Variants in CCNK observed in about 807,000 individuals in gnomAD.
CCNK encodes cyclin K, also known as cyclin-K.
In CCNK, 9 loss-of-function variants were observed where a neutral mutation model predicts 65.0. That is an observed-to-expected ratio of 0.14 (90% confidence interval 0.08 to 0.24). CCNK has a LOEUF of 0.24. Among genes scored for constraint, CCNK ranks in the 10% least tolerant of loss-of-function variants. CCNK has a pLI of 1.00. For synonymous variants in CCNK, 279 were observed against 270.8 expected (o/e 1.03, Z -0.30); for missense variants, 474 against 720.0 (o/e 0.66, Z 3.91).
rs753436866 is a variant in CCNK at position 99,492,603 on chromosome 14, CTTTG to C, written c.-52-19_-52-16del. ...TATAGTATGGAGTATTCCTTTCCAA[CTTTG>C]TTTTTCTCTTTCTCATAGGATTCTA... is the stretch of plus-strand genomic sequence containing the variant. On this transcript the variant is annotated intron_variant, in intron 1 of 10. Coordinates refer to ENST00000389879, the MANE Select transcript of CCNK (RefSeq NM_001099402.2). 4 of 1,290,272 alleles carry C rather than the reference CTTTG, an allele frequency of 3.1e-6. No individual in the cohort carries two copies. The African/African-American group carries it at 4.5e-5, about 15-fold the overall frequency. The allele number at this position is 1,290,272 out of a possible 1,614,324, so 79.9% of individuals were successfully genotyped here.
chr14:99,487,572 T>C (rs1896516862), intron 1 of CCNK, among the ~76,000 whole-genome samples: 1 of 152,198 alleles, frequency 6.6e-6, no homozygotes, highest in Non-Finnish European at 1.5e-5. Context: ...CCCATGAACT[T>C]AATATTGAGC....
chr14:99,491,651 G>C (rs183378390), intron 1 of CCNK, among the ~76,000 whole-genome samples: 1 of 152,324 alleles, frequency 6.6e-6, no homozygotes, highest in East Asian at 1.9e-4. Flanking sequence ...GCAAGGAGGA[G>C]AATATTCAGC....
At chr14:99,503,206 G>GCCCTGCTGCCTGTTTCAT in intron 8 of CCNK, 1 of 691,930 alleles carries the variant, frequency 1.4e-6, no homozygotes, top group Non-Finnish European at 2.6e-6. Context: ...CCCGGCTCCA[G>GCCCTGCTGCCTGTTTCAT]CCCTGCTGCC....
chr14:99,483,207 TG>T (rs1213095505), intron 1 of CCNK, among the ~76,000 whole-genome samples: 1 of 152,020 alleles, frequency 6.6e-6, no homozygotes, highest in Non-Finnish European at 1.5e-5. Flanking sequence ...TATGAGTACT[TG>T]GGAAAGGAGA....
rs2139887161 is a variant in CCNK at position 99,510,296 on chromosome 14, G to T, written c.1257G>T (p.Arg419=). 7.2e-7 allele frequency: 1 copy of T among 1,397,858 alleles called. No individual in the cohort carries two copies. 86.6% of individuals were successfully genotyped at this position (1,397,858 alleles called of 1,614,324 possible). A position where few individuals can be genotyped will look rare whatever the true frequency, so the allele number is the denominator to read the frequency against. The change falls in exon 11 of 11, where the codon CGG becomes CGT. Residue 419 remains arginine, a synonymous_variant. Transcript: ENST00000389879. ...PVHQPPPLPH[R]PPPPPPSSYM... ...ACCAGCCACCGCCGCTGCCACACCG[G>T]CCCCCGCCCCCACCCCCCTCCAGCT...
chr14:99,508,324 G>C (rs759390578), intron 10 of CCNK: 1 of 152,312 alleles, frequency 6.6e-6, no homozygotes, highest in Non-Finnish European at 1.5e-5. Context: ...CCGAGCCTGG[G>C]GCTGTGCCTT....
At chr14:99,509,808 G>A (rs1356276270) in intron 10 of CCNK, 5 of 343,376 alleles carry the variant, frequency 1.5e-5, no homozygotes, top group Non-Finnish European at 2.7e-5. Flanking sequence ...AGTTTCTGAA[G>A]GCAGAAAAAC....
At chr14:99,484,803 T>A (rs1896444257) in intron 1 of CCNK, among the ~76,000 whole-genome samples, 1 of 152,258 alleles carries the variant, frequency 6.6e-6, no homozygotes. Flanking sequence ...TTGGGTGAGA[T>A]AATTGAGTGG....
rs775308532 is a variant in CCNK, at chr14:99,502,804, A to G, written c.831A>G (p.Pro277=). The G allele has an allele frequency of 3.1e-6, 5 of 1,613,448 alleles. No individual in the cohort carries two copies. Among genetic ancestry groups the G allele is most frequent in the East Asian group, 2.2e-5 (1 of 44,876 alleles). The change falls in exon 8 of 11, where the codon CCA becomes CCG. Residue 277 remains proline (P), a synonymous_variant. Transcript: ENST00000389879. The part of the protein sequence containing the change: ...HHTPHQLQQP[P]SLQPTPQVPQ... ...CCCCCCATCAGCTGCAACAGCCCCC[A>G]TCTCTTCAGCCTACACCACAAGTGC...
chr14:99,490,983 G>A (rs1293973448), intron 1 of CCNK, among the ~76,000 whole-genome samples: 4 of 150,524 alleles, frequency 2.7e-5, no homozygotes, highest in Non-Finnish European at 5.9e-5. Flanking sequence ...TTACATAGAT[G>A]CTAACATACT....
intron 9 of CCNK, chr14:99,504,994 G>A (rs528175686): frequency 1.3e-4 from 20 of 152,400 alleles, no homozygotes; most frequent in African/African-American, 4.8e-4. Flanking sequence ...AGGGGAAATG[G>A]AGAGGAGTCT....
chr14:99,507,425 T>A (rs1015575364), intron 10 of CCNK: 1 of 431,162 alleles, frequency 2.3e-6, no homozygotes, highest in African/African-American at 2.0e-5. Flanking sequence ...ATTAGCCAGG[T>A]GTGGTAGCAC....
At chr14:99,502,587 G>A (rs1346396421) in intron 7 of CCNK, 132 bp from the exon 8 acceptor site, 9 of 1,203,260 alleles carry the variant, frequency 7.5e-6, no homozygotes, top group Middle Eastern at 2.1e-4. Context: ...TGCACACAAC[G>A]AAGATGGGGT....
In CCNK at chr14:99,510,689, C is replaced by A; in HGVS notation, c.1650C>A (p.Val550=). 2 of 1,424,962 alleles carry A rather than the reference C, an allele frequency of 1.4e-6. No homozygotes were observed. The highest frequency in any genetic ancestry group is 1.8e-6 in the Non-Finnish European group (2 of 1,087,828). 88.3% of individuals were successfully genotyped at this position (1,424,962 alleles called of 1,614,324 possible). A position where few individuals can be genotyped will look rare whatever the true frequency, so the allele number is the denominator to read the frequency against. Residue 550 remains valine (V), a synonymous_variant, in exon 11 of 11, where the codon GTC becomes GTA. Transcript: ENST00000389879. ...LPPASYPPPA[V]PPGGQPPVPP... ...CAGCCAGCTACCCACCTCCTGCCGTCCCCCCTGGAGGACAGCCTCCTGTGC... is the reference window on the plus strand; with the variant it reads ...CAGCCAGCTACCCACCTCCTGCCGTACCCCCTGGAGGACAGCCTCCTGTGC...
intron 4 of CCNK, among the ~76,000 whole-genome samples, chr14:99,496,560 A>C (rs1896705677): frequency 6.6e-6 from 1 of 151,922 alleles, no homozygotes; most frequent in African/African-American, 2.4e-5. Context: ...AATACAAAAA[A>C]TTAACCGGGC....
intron 9 of CCNK, chr14:99,505,914 A>AT (rs1471463109): frequency 6.6e-6 from 1 of 152,266 alleles, no homozygotes; most frequent in Non-Finnish European, 1.5e-5. Flanking sequence ...TCTCAGTTAT[A>AT]TTGCTGTTGG....
rs752516090 is a variant in CCNK at position 99,493,475 on chromosome 14, G to A, written c.198-39G>A. On this transcript the variant is annotated intron_variant, in intron 2 of 10. Coordinates refer to ENST00000389879, the MANE Select transcript of CCNK (RefSeq NM_001099402.2). ...CTACATTTAACTAAGAGTATAACCT[G>A]TAAAAGTTATTGGTTAGAGTCCTTA... 4.0e-5 allele frequency: 53 copies of A among 1,330,966 alleles called. No homozygotes were observed. The Admixed American group carries it at 1.0e-3, about 26-fold the overall frequency. The allele number at this position is 1,330,966 out of a possible 1,614,324, so 82.4% of individuals were successfully genotyped here.
At chr14:99,486,404 T>A (rs1896486426) in intron 1 of CCNK, among the ~76,000 whole-genome samples, 2 of 152,246 alleles carry the variant, frequency 1.3e-5, no homozygotes, top group Admixed American at 1.3e-4. Flanking sequence ...CACAGAGTTC[T>A]GTACCCAGAC....
Position 99,506,793 on chromosome 14 carries a change from C to T in CCNK, c.1046-283C>T, listed in dbSNP as rs1896986755. ...CGTTGCTCTGCTGGTCTCACATGGT[C>T]GGAAGGACTTGAGTGAAGTGGTCAG... On this transcript the variant is annotated intron_variant, in intron 9 of 10. Transcript: ENST00000389879. The T allele has an allele frequency of 7.2e-6, 3 of 414,056 alleles. 1 individual carries two copies. The highest frequency in any genetic ancestry group is 1.5e-3 in the Middle Eastern group (2 of 1,308). The allele number at this position is 414,056 out of a possible 1,614,324, so 25.6% of individuals were successfully genotyped here.
Sources: gnomAD v4.1 joint callset for allele counts (sites outside exome capture counted in the v4.1 genomes callset) on GRCh38, gnomAD v4.1.1 for gene constraint, MANE v1.5 for transcripts, NCBI Gene and HGNC (gene_info 2026-07-23, HGNC 2026-07-21) for gene names.